Variants in TACC2 observed in about 807,000 individuals in gnomAD.
TACC2 encodes transforming acidic coiled-coil-containing protein 2.
Under a neutral mutation model 227.3 loss-of-function variants are expected in TACC2, and 137 were observed. The ratio of observed to expected loss-of-function variants is 0.60; its 90% CI spans 0.52 to 0.69. The LOEUF is 0.69. Ranked by LOEUF, TACC2 falls within the 30% of genes least tolerant of loss-of-function variation. The pLI, the probability that TACC2 is intolerant of heterozygous loss-of-function variation, is 0.00. For missense variants in TACC2, 3,470 were observed against 3,694.4 expected (o/e 0.94, Z 1.57); for synonymous variants, 1,523 against 1,487.5 (o/e 1.02, Z -0.55).
intron 1 of TACC2, among the ~76,000 whole-genome samples, chr10:121,994,458 C>T (rs1052617205): frequency 1.3e-5 from 2 of 152,240 alleles, no homozygotes; most frequent in East Asian, 3.9e-4. Context: ...GCTCCCTGCT[C>T]CTTATTACCC....
chr10:122,197,917 G>A (rs2094630169), intron 8 of TACC2, among the ~76,000 whole-genome samples: 1 of 152,250 alleles, frequency 6.6e-6, no homozygotes, highest in African/African-American at 2.4e-5. Context: ...AGCTGTGCTT[G>A]CTAGTGTAGG....
At position 122,117,761 on chromosome 10, in the gene TACC2, C is replaced by G. The variant is rs185567772; in HGVS notation, c.5574-14848C>G. 1.4e-4 allele frequency among the ~76,000 whole-genome samples: 22 copies of G among 152,266 alleles called. No homozygotes were observed. The East Asian group carries it at 4.3e-3, about 29-fold the overall frequency. On this transcript the variant is annotated intron_variant, in intron 5 of 22. Transcript: ENST00000369005. ...AGAAGGCTCCTGGCTAGCATTCTTG[C>G]ACTGAAGCTCCTTGAGGGCATGGGG... is the stretch of plus-strand genomic sequence containing the variant.
chr10:122,039,410 C>T (rs538885964), intron 2 of TACC2, among the ~76,000 whole-genome samples: 2 of 152,184 alleles, frequency 1.3e-5, no homozygotes, highest in Non-Finnish European at 2.9e-5. Flanking sequence ...GGGTCTGTTC[C>T]GTGATGATCC....
chr10:122,154,424 G>A (rs1027659938), intron 7 of TACC2, among the ~76,000 whole-genome samples: 3 of 152,222 alleles, frequency 2.0e-5, no homozygotes, highest in Admixed American at 6.5e-5. Flanking sequence ...TTAAAGATAC[G>A]CAGAAAAATA....
At chr10:122,024,343 T>G (rs2461217) in intron 2 of TACC2, among the ~76,000 whole-genome samples, 97,983 of 151,984 alleles carry the variant, frequency 0.64, 31,979 homozygotes, top group African/African-American at 0.74. Context: ...TCCAGCCAGG[T>G]CAACAGAGCA....
At chr10:122,033,005 C>CA (rs1554970262) in intron 2 of TACC2, 8 of 809,526 alleles carry the variant, frequency 9.9e-6, no homozygotes, top group South Asian at 4.3e-5. Flanking sequence ...ACAACAAAAA[C>CA]AAAAAAACCC....
At position 122,135,523 on chromosome 10, in the gene TACC2, G is replaced by A. The variant is rs191709757; in HGVS notation, c.5699+2789G>A. 2.1e-3 allele frequency among the ~76,000 whole-genome samples: 327 copies of A among 152,338 alleles called. 1 individual carries two copies. Among genetic ancestry groups the A allele is most frequent in the Middle Eastern group, 0.014 (4 of 294 alleles). On this transcript the variant is annotated intron_variant, in intron 6 of 22. Coordinates refer to ENST00000369005, the MANE Select transcript of TACC2 (RefSeq NM_206862.4). ...AATGAGCAATTTTGGTGCCTTGTTGGTGTTACTGAACATTTATCCAGAGTC... is the reference window on the plus strand; with the variant it reads ...AATGAGCAATTTTGGTGCCTTGTTGATGTTACTGAACATTTATCCAGAGTC...
chr10:122,195,643 T>C lies in TACC2; in HGVS notation c.5971+467T>C, dbSNP rs576820445. 2.2e-4 allele frequency among the ~76,000 whole-genome samples: 34 copies of C among 152,288 alleles called. No homozygotes were observed. In the South Asian group the frequency reaches 6.4e-3, roughly 29 times the overall value. The stretch of plus-strand genomic sequence containing the variant: ...CCTCATGAATCTCGTGTCACCTGAT[T>C]TCATATCACTTTCCCACAACTTTCT... On this transcript the variant is annotated intron_variant, in intron 8 of 22. Coordinates refer to ENST00000369005, the MANE Select transcript of TACC2 (RefSeq NM_206862.4).
chr10:122,140,104 C>T (rs1433587349), intron 6 of TACC2, among the ~76,000 whole-genome samples: 2 of 152,158 alleles, frequency 1.3e-5, no homozygotes, highest in Non-Finnish European at 2.9e-5. Context: ...AGACTGCAGC[C>T]GAATGGGCAG....
chr10:122,233,633 T>A (rs1023327577), intron 16 of TACC2, among the ~76,000 whole-genome samples: 4 of 152,052 alleles, frequency 2.6e-5, no homozygotes, highest in Admixed American at 6.5e-5. Flanking sequence ...CCCCCACCCA[T>A]ACACACACAT....
At chr10:122,049,027 T>C (rs2075371660) in intron 2 of TACC2, among the ~76,000 whole-genome samples, 1 of 152,266 alleles carries the variant, frequency 6.6e-6, no homozygotes, top group South Asian at 2.1e-4. Context: ...GCCTATATTA[T>C]GTAGCACTTG....
intron 7 of TACC2, among the ~76,000 whole-genome samples, chr10:122,154,138 G>A (rs1002424979): frequency 1.3e-5 from 2 of 152,310 alleles, no homozygotes; most frequent in East Asian, 1.9e-4. Context: ...TGCCTTTCTC[G>A]TCTGTGTCCG....
chr10:122,183,273 CA>C (rs1377867270), intron 7 of TACC2, among the ~76,000 whole-genome samples: 1 of 152,150 alleles, frequency 6.6e-6, no homozygotes, highest in African/African-American at 2.4e-5. Flanking sequence ...ATTCTAAGGC[CA>C]TACCTGCTCC....
At chr10:122,174,284 G>A (rs970734575) in intron 7 of TACC2, among the ~76,000 whole-genome samples, 2 of 152,166 alleles carry the variant, frequency 1.3e-5, no homozygotes, top group African/African-American at 2.4e-5. Context: ...CTTAGCCAGC[G>A]ATCTCTGCTG....
At chr10:122,201,357 GC>G (rs567522893) in intron 8 of TACC2, among the ~76,000 whole-genome samples, 2 of 147,920 alleles carry the variant, frequency 1.4e-5, no homozygotes, top group African/African-American at 2.5e-5. Context: ...CACCTCACCT[GC>G]CCACAGTGGC....
At chr10:122,213,468 T>C in intron 9 of TACC2, 1 of 1,318,196 alleles carries the variant, frequency 7.6e-7, no homozygotes, top group Non-Finnish European at 1.1e-6. Flanking sequence ...TTATTTCCCC[T>C]CTGGCTGCTA....
At chr10:122,144,958 T>G (rs1395351441) in intron 7 of TACC2, among the ~76,000 whole-genome samples, 1 of 152,176 alleles carries the variant, frequency 6.6e-6, no homozygotes, top group Non-Finnish European at 1.5e-5. Flanking sequence ...ATGGGAGGTC[T>G]GCTTTTCTGC....
chr10:122,018,869 C>T (rs993078302), intron 1 of TACC2, among the ~76,000 whole-genome samples: 1 of 152,210 alleles, frequency 6.6e-6, no homozygotes, highest in Admixed American at 6.5e-5. Context: ...CCTCCACCAC[C>T]TCCAAGGAGC....
chr10:122,055,130 G>T (rs879660810), intron 3 of TACC2, among the ~76,000 whole-genome samples: 2 of 152,090 alleles, frequency 1.3e-5, no homozygotes, highest in African/African-American at 4.8e-5. Flanking sequence ...TGAGGCAGGA[G>T]AATTGCTTGA....
Sources: allele counts gnomAD v4.1 joint callset (sites outside exome capture counted in the v4.1 genomes callset), GRCh38; gene constraint gnomAD v4.1.1; transcripts MANE v1.5; gene names NCBI Gene and HGNC (gene_info 2026-07-23, HGNC 2026-07-21).